CNTN5: variants seen among roughly 807,000 people sequenced by gnomAD.
CNTN5 encodes the protein contactin 5, also known as contactin-5.
Under a neutral mutation model 129.1 loss-of-function variants are expected in CNTN5, and 77 were observed. The observed-to-expected ratio is 0.60, with a 90% confidence interval of 0.50 to 0.72. The LOEUF (loss-of-function observed/expected upper bound fraction) is 0.72, where lower values mean the gene tolerates loss of function less well. CNTN5 is among the 30% of genes least tolerant of loss of function. The pLI is 0.00. For missense variants in CNTN5, 1,478 were observed against 1,328.8 expected (o/e 1.11, Z -1.75); for synonymous variants, 509 against 465.6 (o/e 1.09, Z -1.20).
At chr11:99,022,845 T>C (rs1862938879) in intron 1 of CNTN5, among the ~76,000 whole-genome samples, 2 of 152,192 alleles carry the variant, frequency 1.3e-5, no homozygotes, top group South Asian at 2.1e-4. Flanking sequence ...TGCTTAGGAA[T>C]TGGTGTATCC....
At chr11:99,231,942 G>C (rs79383496) in intron 1 of CNTN5, among the ~76,000 whole-genome samples, 5 of 151,856 alleles carry the variant, frequency 3.3e-5, no homozygotes, top group African/African-American at 1.2e-4. Context: ...CAGGTTTGTC[G>C]AAGATCAGCT....
At chr11:99,907,320 C>A (rs1252713578) in intron 6 of CNTN5, among the ~76,000 whole-genome samples, 1 of 151,926 alleles carries the variant, frequency 6.6e-6, no homozygotes, top group Non-Finnish European at 1.5e-5. Flanking sequence ...TGAATTCATA[C>A]AATATAGAAG....
chr11:99,418,068 CTCTTT>C (rs1443729750), intron 2 of CNTN5, among the ~76,000 whole-genome samples: 2 of 152,118 alleles, frequency 1.3e-5, no homozygotes, highest in Admixed American at 1.3e-4. Flanking sequence ...TAATGCACTT[CTCTTT>C]TATTTCTGCT....
chr11:99,795,378 G>C (rs1055526163), intron 3 of CNTN5, among the ~76,000 whole-genome samples: 18 of 152,080 alleles, frequency 1.2e-4, no homozygotes, highest in African/African-American at 4.3e-4. Flanking sequence ...CTGAATCTCA[G>C]TGATCTTTAT....
intron 1 of CNTN5, among the ~76,000 whole-genome samples, chr11:99,147,861 G>C (rs560808075): frequency 6.6e-6 from 1 of 151,986 alleles, no homozygotes; most frequent in African/African-American, 2.4e-5. Flanking sequence ...ATAACATCAT[G>C]GTGAAGCACT....
intron 1 of CNTN5, among the ~76,000 whole-genome samples, chr11:99,203,099 T>C (rs1042547586): frequency 6.6e-6 from 1 of 152,074 alleles, no homozygotes; most frequent in Non-Finnish European, 1.5e-5. Flanking sequence ...TTTAATCTTG[T>C]GCCAGAAAAT....
chr11:99,080,617 G>T (rs185505256), intron 1 of CNTN5, among the ~76,000 whole-genome samples: 2 of 152,166 alleles, frequency 1.3e-5, no homozygotes, highest in African/African-American at 4.8e-5. Context: ...CCCTTAAGTG[G>T]CCAGAACAAA....
chr11:99,963,766 A>G (rs954111089), intron 8 of CNTN5, among the ~76,000 whole-genome samples: 3 of 152,262 alleles, frequency 2.0e-5, no homozygotes, highest in Admixed American at 6.5e-5. Flanking sequence ...CCATTTTCAC[A>G]ATATTGATTC....
At chr11:99,037,080 G>A (rs1419537325) in intron 1 of CNTN5, among the ~76,000 whole-genome samples, 1 of 152,012 alleles carries the variant, frequency 6.6e-6, no homozygotes, top group African/African-American at 2.4e-5. Context: ...AGATCCAGTG[G>A]AGATCCAATG....
chr11:99,819,757 A>G lies in CNTN5; in HGVS notation c.269A>G (p.Lys90Arg), dbSNP rs557302848. ...CTTTATCATTCCTCAGATGCCTTCA[A>G]ACAAGATGGTAAGTGTCAAAGGAAA... ...INLYHSSDAF[K>R]QDESVDYGPV... Residue 90 changes from lysine (K) to arginine (R), a missense_variant, in exon 4 of 25, where the codon AAA becomes AGA. Lys to Arg is a conservative substitution (Grantham distance 26, BLOSUM62 2). Transcript: ENST00000524871. The G allele has an allele frequency of 2.4e-5, 3 of 126,812 alleles. No individual in the cohort carries two copies. The highest frequency in any genetic ancestry group is 4.4e-4 in the African/African-American group (2 of 4,594). 7.9% of individuals were successfully genotyped at this position (126,812 alleles called of 1,614,324 possible). A position where few individuals can be genotyped will look rare whatever the true frequency, so the allele number is the denominator to read the frequency against.
In CNTN5 at chr11:99,053,334, C is replaced by A. The variant is rs973105951; in HGVS notation, c.-210+32064C>A. Among the ~76,000 whole-genome samples the A allele has an allele frequency of 5.3e-5, 8 of 151,924 alleles. No individual in the cohort carries two copies. In the South Asian group the frequency reaches 1.2e-3, roughly 24 times the overall value. ...ACTTTCATAGGAAAGAAAAAAATAA[C>A]AACTAAACAGTCATGCCAAATGTAC... On this transcript the variant is annotated intron_variant, in intron 1 of 24. Transcript: ENST00000524871.
intron 2 of CNTN5, among the ~76,000 whole-genome samples, chr11:99,327,113 A>G (rs113078687): frequency 2.2e-4 from 34 of 152,276 alleles, no homozygotes; most frequent in African/African-American, 7.7e-4. Flanking sequence ...ATTAAATCTA[A>G]GCACCTTAAT....
chr11:99,612,758 TC>T (rs907574027), intron 3 of CNTN5, among the ~76,000 whole-genome samples: 2 of 152,346 alleles, frequency 1.3e-5, no homozygotes, highest in Admixed American at 6.5e-5. Context: ...TTCATATGAT[TC>T]CCTCTTTCAA....
intron 1 of CNTN5, among the ~76,000 whole-genome samples, chr11:99,117,664 T>C (rs980014306): frequency 6.6e-6 from 1 of 152,160 alleles, no homozygotes; most frequent in African/African-American, 2.4e-5. Flanking sequence ...GTGGGATCTT[T>C]GGGAGACAAT....
rs571583439 is a variant in CNTN5 at position 99,324,529 on chromosome 11, A to G, written c.-209-817A>G. Among the ~76,000 whole-genome samples the G allele has an allele frequency of 2.0e-5, 3 of 152,316 alleles. No homozygotes were observed. In the East Asian group the frequency reaches 5.8e-4, roughly 29 times the overall value. On this transcript the variant is annotated intron_variant, in intron 1 of 24. Coordinates refer to ENST00000524871, the MANE Select transcript of CNTN5 (RefSeq NM_014361.4). Reference sequence around the variant, plus strand: ...TTAGATTCTTATTTGAAATATATGTATGGGTAGCTACGCTAGGTTTTCAAT... The same window carrying G: ...TTAGATTCTTATTTGAAATATATGTGTGGGTAGCTACGCTAGGTTTTCAAT...
At chr11:99,789,630 T>C (rs1945666617) in intron 3 of CNTN5, among the ~76,000 whole-genome samples, 1 of 152,010 alleles carries the variant, frequency 6.6e-6, no homozygotes. Flanking sequence ...TGCTTCCTGT[T>C]ATTGTATTTT....
intron 1 of CNTN5, among the ~76,000 whole-genome samples, chr11:99,249,584 T>C (rs1861993459): frequency 6.6e-6 from 1 of 152,040 alleles, no homozygotes; most frequent in South Asian, 2.1e-4. Flanking sequence ...ACAAACTATA[T>C]ACCGGACATA....
rs559450295 is a variant in CNTN5, at chr11:99,601,959, T to G, written c.55+45690T>G. On this transcript the variant is annotated intron_variant, in intron 3 of 24. Transcript: ENST00000524871. ...TTATATCTACAAAATGCATAACCATTTTACCTATATACTATATATACCTAT... is the reference window on the plus strand; with the variant it reads ...TTATATCTACAAAATGCATAACCATGTTACCTATATACTATATATACCTAT... Among the ~76,000 whole-genome samples the G allele has an allele frequency of 7.2e-5, 11 of 152,276 alleles. No homozygotes were observed. The South Asian group carries it at 2.3e-3, about 32-fold the overall frequency.
chr11:100,252,173 C>A (rs1269135171), intron 16 of CNTN5, among the ~76,000 whole-genome samples: 1 of 152,086 alleles, frequency 6.6e-6, no homozygotes, highest in Non-Finnish European at 1.5e-5. Context: ...ATCAGTGATG[C>A]TGACCATTTC....
Sources: allele counts gnomAD v4.1 joint callset (sites outside exome capture counted in the v4.1 genomes callset), GRCh38; gene constraint gnomAD v4.1.1; transcripts MANE v1.5; gene names NCBI Gene and HGNC (gene_info 2026-07-23, HGNC 2026-07-21).